Variants in ZNF383 observed in about 807,000 individuals in gnomAD.
ZNF383 encodes zinc finger protein 383.
ZNF383 carries 32 observed loss-of-function variants against 44.2 expected under a neutral mutation model. That is an observed-to-expected ratio of 0.72 (90% CI 0.55 to 0.97). The LOEUF is 0.97. Among genes scored for constraint, ZNF383 ranks in the 50% least tolerant of loss-of-function variants. The pLI is 0.00. For missense variants in ZNF383, 487 were observed against 562.5 expected (o/e 0.87, Z 1.36); for synonymous variants, 155 against 186.2 (o/e 0.83, Z 1.36).
chr19:37,241,377 G>A (rs1974076279), intron 5 of ZNF383, among the ~76,000 whole-genome samples: 1 of 152,154 alleles, frequency 6.6e-6, no homozygotes, highest in African/African-American at 2.4e-5. Context: ...AATCAGGAAA[G>A]CTCTGTATTT....
chr19:37,232,532 C>T (rs1321828058), intron 3 of ZNF383, among the ~76,000 whole-genome samples: 12 of 152,126 alleles, frequency 7.9e-5, no homozygotes, highest in Non-Finnish European at 1.8e-4. Context: ...TTAGGATGCA[C>T]ATCGTATCTG....
rs1973423388 is a variant in ZNF383 at position 37,230,358 on chromosome 19, G to T, written c.-45-51G>T. 5 of 1,327,026 alleles carry T rather than the reference G, an allele frequency of 3.8e-6. No homozygotes were observed. The Admixed American group carries it at 9.0e-5, about 24-fold the overall frequency. 82.2% of individuals were successfully genotyped at this position (1,327,026 alleles called of 1,614,324 possible). A position where few individuals can be genotyped will look rare whatever the true frequency, so the allele number is the denominator to read the frequency against. ...TATCTGACCTCTAGTGTGATTTCTA[G>T]AGGGTTTTACTTCCCCAGTCATGCA... On this transcript the variant is annotated intron_variant, in intron 2 of 5. Coordinates refer to ENST00000684119, the MANE Select transcript of ZNF383 (RefSeq NM_001387601.1).
intron 5 of ZNF383, among the ~76,000 whole-genome samples, chr19:37,240,137 A>C (rs970253750): frequency 4.1e-5 from 6 of 147,452 alleles, no homozygotes; most frequent in Non-Finnish European, 8.9e-5. Context: ...CCAGCCTGGC[A>C]ACAGAGTGAC....
At chr19:37,237,727 G>A (rs527573324) in intron 5 of ZNF383, among the ~76,000 whole-genome samples, 12 of 152,140 alleles carry the variant, frequency 7.9e-5, no homozygotes, top group Admixed American at 2.0e-4. Context: ...TTGCATCTTC[G>A]TGTGGCAGAA....
chr19:37,235,331 C>T (rs906669234), intron 3 of ZNF383, among the ~76,000 whole-genome samples: 2 of 151,562 alleles, frequency 1.3e-5, no homozygotes, highest in African/African-American at 4.8e-5. Flanking sequence ...CTCGTTGCTA[C>T]TGGATTAGTC....
chr19:37,232,960 T>A (rs1243288521), intron 3 of ZNF383, among the ~76,000 whole-genome samples: 1 of 148,822 alleles, frequency 6.7e-6, no homozygotes, highest in East Asian at 1.9e-4. Flanking sequence ...ATTCTCTTAT[T>A]TTTTTTTTAA....
rs762889488 is a variant in ZNF383 at position 37,245,454 on chromosome 19, C to G, written c.*1790C>G. On this transcript the variant is annotated 3_prime_UTR_variant, in exon 6 of 6. Coordinates refer to ENST00000684119, the MANE Select transcript of ZNF383 (RefSeq NM_001387601.1). Reference sequence around the variant, plus strand: ...GTTATGAAAGTGTTATTTATCAATCCAGATATTAATTTTTTGTTTGTTTGT... The same window carrying G: ...GTTATGAAAGTGTTATTTATCAATCGAGATATTAATTTTTTGTTTGTTTGT... The G allele has an allele frequency of 6.6e-6, 1 of 151,644 alleles. No homozygotes were observed. Among genetic ancestry groups the G allele is most frequent in the African/African-American group, 2.4e-5 (1 of 41,256 alleles). The allele number at this position is 151,644 out of a possible 1,614,324, so 9.4% of individuals were successfully genotyped here. A position where few individuals can be genotyped will look rare whatever the true frequency, so the allele number is the denominator to read the frequency against.
At chr19:37,222,895 T>C (rs1428293587) in intron 1 of ZNF383, among the ~76,000 whole-genome samples, 1 of 152,196 alleles carries the variant, frequency 6.6e-6, no homozygotes, top group Non-Finnish European at 1.5e-5. Context: ...TCTGAAATAG[T>C]GGTATCAATC....
rs1317844195 is a variant in ZNF383 at position 37,244,602 on chromosome 19, C to CGGAG, written c.*938_*939insGGAG. 1 of 152,186 alleles carries CGGAG rather than the reference C, an allele frequency of 6.6e-6. No individual in the cohort carries two copies. Among genetic ancestry groups the CGGAG allele is most frequent in the Admixed American group, 6.6e-5 (1 of 15,264 alleles). The allele number at this position is 152,186 out of a possible 1,614,324, so 9.4% of individuals were successfully genotyped here. A position where few individuals can be genotyped will look rare whatever the true frequency, so the allele number is the denominator to read the frequency against. Reference sequence around the variant, plus strand: ...CCATGTTAGCCAGGATGGTCTCAATCTCCCGACTTCAGGTGATCCACCCGC... The same window carrying CGGAG: ...CCATGTTAGCCAGGATGGTCTCAATCGGAGTCCCGACTTCAGGTGATCCACCCGC... On this transcript the variant is annotated 3_prime_UTR_variant, in exon 6 of 6. Coordinates refer to ENST00000684119, the MANE Select transcript of ZNF383 (RefSeq NM_001387601.1).
At chr19:37,231,864 TCTCCCTTA>T (rs1179156809) in intron 3 of ZNF383, among the ~76,000 whole-genome samples, 1 of 152,182 alleles carries the variant, frequency 6.6e-6, no homozygotes, top group Non-Finnish European at 1.5e-5. Flanking sequence ...AAGACCTTTT[TCTCCCTTA>T]ATAAAGGAGA....
At chr19:37,227,263 T>C (rs1267108078) in intron 2 of ZNF383, among the ~76,000 whole-genome samples, 1 of 151,954 alleles carries the variant, frequency 6.6e-6, no homozygotes, top group East Asian at 1.9e-4. Flanking sequence ...TACAGGCATG[T>C]ACCACCACGC....
In ZNF383 at chr19:37,242,599, G is replaced by A. The variant is rs773223322; in HGVS notation, c.363G>A (p.Leu121=). 1 of 1,613,906 alleles carries A rather than the reference G, an allele frequency of 6.2e-7. No homozygotes were observed. The highest frequency in any genetic ancestry group is 1.7e-5 in the Admixed American group (1 of 59,994). ...GLEYSSFGDV[L]EYRSHLAKQL... is the part of the protein sequence containing the mutation. The stretch of plus-strand genomic sequence containing the variant: ...AGTACTCCAGTTTTGGAGATGTTTT[G>A]GAATATAGAAGCCACCTTGCAAAAC... Residue 121 remains leucine (L), a synonymous_variant, in exon 6 of 6, where the codon TTG becomes TTA. Transcript: ENST00000684119.
intron 1 of ZNF383, among the ~76,000 whole-genome samples, chr19:37,220,363 C>A (rs1269192456): frequency 1.3e-5 from 2 of 152,118 alleles, no homozygotes; most frequent in African/African-American, 4.8e-5. Context: ...CTCCCGAGTT[C>A]AAGCAATTCT....
chr19:37,236,606 C>T (rs183738021), intron 5 of ZNF383, among the ~76,000 whole-genome samples: 15 of 150,766 alleles, frequency 9.9e-5, no homozygotes, highest in Admixed American at 4.0e-4. Context: ...AGTCTCGCTC[C>T]GTCGCTCAGG....
Position 37,243,363 on chromosome 19 carries a change from C to G in ZNF383, c.1127C>G (p.Thr376Ser), listed in dbSNP as rs778987015. The part of the protein sequence containing the change: ...YDCKECGKAF[T>S]QSSQLRQHQR... ...TGTAAGGAATGTGGAAAGGCTTTTACTCAGAGCTCACAGCTTCGTCAACAT... is the reference window on the plus strand; with the variant it reads ...TGTAAGGAATGTGGAAAGGCTTTTAGTCAGAGCTCACAGCTTCGTCAACAT... The change falls in exon 6 of 6, where the codon ACT (threonine) becomes AGT (serine). Residue 376 changes from threonine (T) to serine (S), a missense_variant. Coordinates refer to ENST00000684119, the MANE Select transcript of ZNF383 (RefSeq NM_001387601.1). 4 of 1,613,888 alleles carry G rather than the reference C, an allele frequency of 2.5e-6. No individual in the cohort carries two copies. The South Asian group carries it at 4.4e-5, about 18-fold the overall frequency.
chr19:37,226,809 T>A (rs1029772215), intron 2 of ZNF383: 1 of 152,142 alleles, frequency 6.6e-6, no homozygotes, highest in African/African-American at 2.4e-5. Flanking sequence ...TAGTCGTATT[T>A]TTAAAATTTA....
chr19:37,238,929 G>T (rs1296708289), intron 5 of ZNF383, among the ~76,000 whole-genome samples: 1 of 151,954 alleles, frequency 6.6e-6, no homozygotes, highest in East Asian at 1.9e-4. Context: ...CATCTTTTTG[G>T]TTTTTTTTGA....
chr19:37,238,279 G>A (rs1392450298), intron 5 of ZNF383, among the ~76,000 whole-genome samples: 3 of 151,294 alleles, frequency 2.0e-5, no homozygotes, highest in African/African-American at 7.3e-5. Context: ...ATATTAGCAT[G>A]ACATTAATAT....
intron 1 of ZNF383, among the ~76,000 whole-genome samples, chr19:37,221,718 G>A (rs1972924666): frequency 1.3e-5 from 2 of 151,470 alleles, no homozygotes; most frequent in African/African-American, 4.9e-5. Flanking sequence ...GGAGGCCAAG[G>A]CAGGCAGATC....
Sources: gnomAD v4.1 joint callset for allele counts (sites outside exome capture counted in the v4.1 genomes callset) on GRCh38, gnomAD v4.1.1 for gene constraint, MANE v1.5 for transcripts, NCBI Gene and HGNC (gene_info 2026-07-23, HGNC 2026-07-21) for gene names.